The following GRM8 variants were observed in gnomAD, a reference collection of about 807,000 sequenced individuals.
The protein encoded by GRM8 is glutamate metabotropic receptor 8, also known as metabotropic glutamate receptor 8.
GRM8 carries 47 observed loss-of-function variants against 87.2 expected under a neutral mutation model. The ratio of observed to expected loss-of-function variants is 0.54; its 90% CI spans 0.43 to 0.69. The LOEUF (loss-of-function observed/expected upper bound fraction) is 0.69, where lower values mean the gene tolerates loss of function less well. Ranked by LOEUF, GRM8 falls within the 30% of genes least tolerant of loss-of-function variation. The pLI, the probability that GRM8 is intolerant of heterozygous loss-of-function variation, is 0.00. For synonymous variants in GRM8, 396 were observed against 404.5 expected (o/e 0.98, Z 0.25); for missense variants, 1,019 against 1,139.2 (o/e 0.89, Z 1.52).
intron 8 of GRM8, among the ~76,000 whole-genome samples, chr7:126,598,883 C>G (rs1356071421): frequency 6.6e-6 from 1 of 152,086 alleles, no homozygotes; most frequent in Non-Finnish European, 1.5e-5. Flanking sequence ...CTTCATTCCC[C>G]ACAATGTTCT....
At chr7:127,156,826 G>A (rs1370565752) in intron 2 of GRM8, among the ~76,000 whole-genome samples, 4 of 152,036 alleles carry the variant, frequency 2.6e-5, no homozygotes, top group East Asian at 1.9e-4. Flanking sequence ...GGAACAAGAA[G>A]TTATAAAAAT....
At chr7:126,652,976 C>T (rs1047772697) in intron 7 of GRM8, among the ~76,000 whole-genome samples, 1 of 151,972 alleles carries the variant, frequency 6.6e-6, no homozygotes, top group East Asian at 1.9e-4. Flanking sequence ...GTCACAGGAA[C>T]ACTGACCTCA....
At chr7:126,866,000 C>A (rs147750382) in intron 6 of GRM8, among the ~76,000 whole-genome samples, 7 of 152,290 alleles carry the variant, frequency 4.6e-5, no homozygotes, top group African/African-American at 1.7e-4. Flanking sequence ...TGAGAAATTG[C>A]CAGACTGTTT....
intron 6 of GRM8, among the ~76,000 whole-genome samples, chr7:126,865,488 G>C (rs1454126733): frequency 1.3e-5 from 2 of 152,178 alleles, no homozygotes; most frequent in African/African-American, 4.8e-5. Context: ...TATATACATA[G>C]CACAGCTCAT....
chr7:126,646,262 AGAAGGAAGGAAGGAAGGAAGGAAGGAAG>A (rs201279417), intron 7 of GRM8, among the ~76,000 whole-genome samples: 1 of 137,842 alleles, frequency 7.3e-6, no homozygotes, highest in African/African-American at 2.8e-5. Context: ...AAGGAGGGAA[AGAAGGAAGGAAGGAAGGAAGGAAGGAAG>A]GAAGGAAGGA....
chr7:127,110,789 T>A (rs1444873684), intron 2 of GRM8, among the ~76,000 whole-genome samples: 2 of 152,154 alleles, frequency 1.3e-5, no homozygotes, highest in East Asian at 3.9e-4. Context: ...CACTCTCCGT[T>A]CCTTTACTGA....
At chr7:126,635,902 A>G (rs1481241861) in intron 7 of GRM8, among the ~76,000 whole-genome samples, 5 of 152,150 alleles carry the variant, frequency 3.3e-5, no homozygotes. Context: ...CTAAATACAC[A>G]CAAGCATTTA....
At chr7:126,726,867 GA>G (rs368218868) in intron 7 of GRM8, among the ~76,000 whole-genome samples, 1 of 149,148 alleles carries the variant, frequency 6.7e-6, no homozygotes, top group Admixed American at 6.7e-5. Flanking sequence ...TTTGCTCCAA[GA>G]AAAAAAAACC....
intron 7 of GRM8, among the ~76,000 whole-genome samples, chr7:126,683,455 A>G (rs183434280): frequency 8.5e-5 from 13 of 152,328 alleles, no homozygotes; most frequent in Non-Finnish European, 1.5e-4. Context: ...GGGCAGAGAT[A>G]AGGTGATCAC....
At chr7:126,804,877 T>C (rs895829201) in intron 6 of GRM8, among the ~76,000 whole-genome samples, 2 of 152,190 alleles carry the variant, frequency 1.3e-5, no homozygotes, top group Non-Finnish European at 2.9e-5. Flanking sequence ...TAACCAACTC[T>C]ATCTTGCTCT....
At chr7:127,054,863 T>C (rs1194865395) in intron 3 of GRM8, among the ~76,000 whole-genome samples, 1 of 151,320 alleles carries the variant, frequency 6.6e-6, no homozygotes, top group Non-Finnish European at 1.5e-5. Flanking sequence ...GAGATAATCA[T>C]AAGATCAAAA....
intron 2 of GRM8, among the ~76,000 whole-genome samples, chr7:127,201,458 A>G (rs951987703): frequency 2.0e-5 from 3 of 152,176 alleles, no homozygotes; most frequent in Admixed American, 2.0e-4. Context: ...TCTTCCTAAC[A>G]AGTCTTTAAC....
chr7:126,938,882 G>T (rs964220959), intron 3 of GRM8, among the ~76,000 whole-genome samples: 1 of 152,008 alleles, frequency 6.6e-6, no homozygotes, highest in Non-Finnish European at 1.5e-5. Context: ...CAGATGGATC[G>T]TTTATACATC....
At chr7:127,061,923 G>A (rs1820633101) in intron 3 of GRM8, among the ~76,000 whole-genome samples, 1 of 152,126 alleles carries the variant, frequency 6.6e-6, no homozygotes, top group African/African-American at 2.4e-5. Context: ...TAAAGTTGGT[G>A]AATCTCAATT....
chr7:126,902,053 C>T (rs1802136044), intron 6 of GRM8, among the ~76,000 whole-genome samples: 1 of 152,054 alleles, frequency 6.6e-6, no homozygotes, highest in Non-Finnish European at 1.5e-5. Context: ...TAAGCACAAG[C>T]TATGGAAAGT....
At chr7:126,692,334 G>A (rs922758717) in intron 7 of GRM8, among the ~76,000 whole-genome samples, 1 of 152,160 alleles carries the variant, frequency 6.6e-6, no homozygotes, top group African/African-American at 2.4e-5. Flanking sequence ...TAGCAGATAT[G>A]CTGACTTGCT....
intron 7 of GRM8, among the ~76,000 whole-genome samples, chr7:126,726,255 T>C (rs1367270285): frequency 6.6e-6 from 1 of 151,440 alleles, no homozygotes; most frequent in Non-Finnish European, 1.5e-5. Context: ...GAAGTCCCCA[T>C]TCTAGTGGCA....
rs141517226 is a variant in GRM8 at position 127,204,940 on chromosome 7, G to A, written c.510+37755C>T. On this transcript the variant is annotated intron_variant, in intron 2 of 10. Transcript: ENST00000339582. The stretch of plus-strand genomic sequence containing the variant: ...AATGGCTTCATTTCCATTCCCCTTC[G>A]CTGTGGGAGCCTCAAGAACCACAGT... Among the ~76,000 whole-genome samples, 80 of 152,182 alleles carry A rather than the reference G, an allele frequency of 5.3e-4. No individual in the cohort carries two copies. In the East Asian group the frequency reaches 6.4e-3, roughly 12 times the overall value.
chr7:126,511,784 G>T (rs1342233412), intron 9 of GRM8: 2 of 152,148 alleles, frequency 1.3e-5, no homozygotes, highest in Non-Finnish European at 2.9e-5. Flanking sequence ...GTGTTAAAGT[G>T]ATGAGAGATC....
Sources: gnomAD v4.1 joint callset for allele counts (sites outside exome capture counted in the v4.1 genomes callset) on GRCh38, gnomAD v4.1.1 for gene constraint, MANE v1.5 for transcripts, NCBI Gene and HGNC (gene_info 2026-07-23, HGNC 2026-07-21) for gene names.